KIAA1217: variants seen among roughly 807,000 people sequenced by gnomAD.
KIAA1217 encodes KIAA1217.
A neutral mutation model predicts 163.9 loss-of-function variants in KIAA1217; 88 were observed. The observed-to-expected ratio is 0.54, with a 90% CI of 0.45 to 0.64. KIAA1217 has a LOEUF of 0.64. Ranked by LOEUF, KIAA1217 falls within the 30% of genes least tolerant of loss-of-function variation. The pLI, the probability that KIAA1217 is intolerant of heterozygous loss-of-function variation, is 0.00. For synonymous variants in KIAA1217, 903 were observed against 923.1 expected, an observed-to-expected ratio of 0.98 and a Z score of 0.39; for missense variants, 2,372 against 2,475.0, an observed-to-expected ratio of 0.96 and a Z score of 0.88.
intron 2 of KIAA1217, among the ~76,000 whole-genome samples, chr10:24,283,672 AT>A (rs1336941348): frequency 1.3e-5 from 2 of 152,104 alleles, no homozygotes; most frequent in African/African-American, 2.4e-5. Flanking sequence ...TCTCAAAAAA[AT>A]AATTAAAAAA....
At chr10:24,186,462 C>T (rs773426679) in intron 2 of KIAA1217, among the ~76,000 whole-genome samples, 4 of 152,182 alleles carry the variant, frequency 2.6e-5, no homozygotes, top group African/African-American at 4.8e-5. Flanking sequence ...TGTGTCAACT[C>T]ATGTCCTTTA....
At chr10:24,465,226 T>A (rs2062820012) in intron 5 of KIAA1217, among the ~76,000 whole-genome samples, 1 of 152,220 alleles carries the variant, frequency 6.6e-6, no homozygotes, top group African/African-American at 2.4e-5. Flanking sequence ...CCACATTCCT[T>A]CTACTGTTTT....
chr10:24,538,205 G>C (rs933859185), intron 17 of KIAA1217, among the ~76,000 whole-genome samples: 1 of 152,060 alleles, frequency 6.6e-6, no homozygotes, highest in African/African-American at 2.4e-5. Flanking sequence ...ACAGTTTTGG[G>C]CTCCCAGCTC....
In KIAA1217 at chr10:24,164,055, G is replaced by A. The variant is rs141475602; in HGVS notation, c.-170-55571G>A. 1.5e-4 allele frequency among the ~76,000 whole-genome samples: 23 copies of A among 152,270 alleles called. No individual in the cohort carries two copies. The East Asian group carries it at 4.3e-3, about 28-fold the overall frequency. Reference sequence around the variant, plus strand: ...AATTTCTAAGTCTAAAGAGACAGCTGCAGTGGCCTACCATATATAGAGTAG... The same window carrying A: ...AATTTCTAAGTCTAAAGAGACAGCTACAGTGGCCTACCATATATAGAGTAG... On this transcript the variant is annotated intron_variant, in intron 2 of 18. Coordinates refer to the KIAA1217 transcript ENST00000376462.
At chr10:24,286,323 C>A (rs1321554941) in intron 2 of KIAA1217, among the ~76,000 whole-genome samples, 8 of 152,052 alleles carry the variant, frequency 5.3e-5, no homozygotes, top group Non-Finnish European at 4.4e-5. Flanking sequence ...TAAATGTGAT[C>A]ATCAACTTCT....
At chr10:24,171,374 A>G (rs1458002798) in intron 2 of KIAA1217, among the ~76,000 whole-genome samples, 1 of 152,270 alleles carries the variant, frequency 6.6e-6, no homozygotes, top group Non-Finnish European at 1.5e-5. Context: ...ATATTTACAA[A>G]GTCTTCATGA....
At chr10:24,402,592 T>G (rs1179757599) in intron 3 of KIAA1217, among the ~76,000 whole-genome samples, 1 of 149,162 alleles carries the variant, frequency 6.7e-6, no homozygotes, top group African/African-American at 2.5e-5. Context: ...AAAAATGAAG[T>G]GGGAGGAATT....
intron 1 of KIAA1217, among the ~76,000 whole-genome samples, chr10:23,704,679 A>G (rs1431131124): frequency 1.3e-5 from 2 of 152,184 alleles, no homozygotes; most frequent in Admixed American, 1.3e-4. Context: ...TTGTATGGAT[A>G]TACCACATTT....
intron 3 of KIAA1217, among the ~76,000 whole-genome samples, chr10:24,389,970 A>G (rs1225959108): frequency 6.6e-6 from 1 of 152,132 alleles, no homozygotes; most frequent in East Asian, 1.9e-4. Context: ...GCAGCTTCCA[A>G]TCAAGGCAGC....
At chr10:23,916,778 C>A (rs1214400273) in intron 1 of KIAA1217, among the ~76,000 whole-genome samples, 1 of 151,884 alleles carries the variant, frequency 6.6e-6, no homozygotes, top group Non-Finnish European at 1.5e-5. Context: ...TCAAGACCAC[C>A]CTGGCTAATA....
chr10:24,477,705 C>T (rs554182527), intron 6 of KIAA1217, among the ~76,000 whole-genome samples: 19 of 152,264 alleles, frequency 1.2e-4, no homozygotes, highest in Non-Finnish European at 2.5e-4. Flanking sequence ...TATATTAGCA[C>T]AATTATGCAG....
intron 1 of KIAA1217, among the ~76,000 whole-genome samples, chr10:23,849,194 T>C (rs949649916): frequency 6.6e-6 from 1 of 152,154 alleles, no homozygotes; most frequent in African/African-American, 2.4e-5. Context: ...ATTTATAACA[T>C]TTTATCAATG....
intron 8 of KIAA1217, among the ~76,000 whole-genome samples, chr10:24,496,949 T>C (rs1404241172): frequency 6.6e-6 from 1 of 152,232 alleles, no homozygotes; most frequent in Non-Finnish European, 1.5e-5. Context: ...AGTTTTCTCT[T>C]CTGAATGGCT....
rs888526649 is a variant in KIAA1217, at chr10:24,065,183, A to G, written c.-171+57809A>G. On this transcript the variant is annotated intron_variant, in intron 2 of 18. Coordinates refer to the KIAA1217 transcript ENST00000376462. ...TCTTAGTTATTTCTTGCCTTCTGCTAGCTTTTGAATGTGTTTGCTCTTGCT... is the reference window on the plus strand; with the variant it reads ...TCTTAGTTATTTCTTGCCTTCTGCTGGCTTTTGAATGTGTTTGCTCTTGCT... Among the ~76,000 whole-genome samples, 5 of 152,106 alleles carry G rather than the reference A, an allele frequency of 3.3e-5. 1 individual carries two copies. The highest frequency in any genetic ancestry group is 1.3e-4 in the Admixed American group (2 of 15,284).
At position 23,764,123 on chromosome 10, in the gene KIAA1217, C is replaced by T. The variant is rs144539936; in HGVS notation, c.-321+68889C>T. Among the ~76,000 whole-genome samples, 538 of 152,096 alleles carry T rather than the reference C, an allele frequency of 3.5e-3. 2 individuals carry two copies. The highest frequency in any genetic ancestry group is 0.012 in the African/African-American group (518 of 41,492). Reference sequence around the variant, plus strand: ...AACATATTTACAAGAAAAAAAACAACCCCATCAAAAAGTGGGCAAAGGATA... The same window carrying T: ...AACATATTTACAAGAAAAAAAACAATCCCATCAAAAAGTGGGCAAAGGATA... On this transcript the variant is annotated intron_variant, in intron 1 of 18. Transcript: ENST00000376462.
chr10:24,242,549 A>G (rs78056074), intron 2 of KIAA1217, among the ~76,000 whole-genome samples: 3,797 of 152,200 alleles, frequency 0.025, 128 homozygotes, highest in African/African-American at 0.079. Context: ...GGTGATGAAC[A>G]TAGAAGTGCA....
At chr10:24,154,926 C>CAAA (rs1250719385) in intron 2 of KIAA1217, among the ~76,000 whole-genome samples, 1,025 of 68,648 alleles carry the variant, frequency 0.015, 12 homozygotes, top group African/African-American at 0.049. Flanking sequence ...GACTCCATGT[C>CAAA]AAAAAAAAAA....
At chr10:24,092,588 G>C (rs2061974904) in intron 2 of KIAA1217, among the ~76,000 whole-genome samples, 1 of 151,662 alleles carries the variant, frequency 6.6e-6, no homozygotes, top group African/African-American at 2.4e-5. Context: ...GGACTGAACT[G>C]TTCACTCATG....
At position 24,286,143 on chromosome 10, in the gene KIAA1217, T is replaced by C. The variant is rs76986628; in HGVS notation, c.354+66234T>C. On this transcript the variant is annotated intron_variant, in intron 2 of 20. Transcript: ENST00000376454. ...CTAGGTTTTTCTAAGTGTAGAATTG[T>C]GTATCTTTTCATATGTTTATATGCA... is the stretch of plus-strand genomic sequence containing the variant. Among the ~76,000 whole-genome samples the C allele has an allele frequency of 9.5e-3, 1,443 of 152,276 alleles. 28 individuals are homozygous for C. Among genetic ancestry groups the C allele is most frequent in the East Asian group, 0.084 (436 of 5,188 alleles).
Sources: allele counts gnomAD v4.1 joint callset (sites outside exome capture counted in the v4.1 genomes callset), GRCh38; gene constraint gnomAD v4.1.1; transcripts MANE v1.5; gene names NCBI Gene and HGNC (gene_info 2026-07-23, HGNC 2026-07-21).